Variants in FAT4 observed in about 807,000 individuals in gnomAD.
FAT4 encodes FAT atypical cadherin 4.
FAT4 carries 84 observed loss-of-function variants against 303.9 expected under a neutral mutation model. The observed-to-expected ratio is 0.28, with a 90% CI of 0.23 to 0.33. The LOEUF is 0.33. FAT4 is among the 10% of genes least tolerant of loss of function. FAT4 has a pLI of 1.00. For synonymous variants in FAT4, 2,307 were observed against 2,298.8 expected, an observed-to-expected ratio of 1.00 and a Z score of -0.10; for missense variants, 6,005 against 6,146.8, an observed-to-expected ratio of 0.98 and a Z score of 0.77.
intron 8 of FAT4, among the ~76,000 whole-genome samples, chr4:125,435,054 T>C (rs568286665): frequency 2.6e-5 from 4 of 152,246 alleles, no homozygotes; most frequent in Non-Finnish European, 4.4e-5. Flanking sequence ...CACTCGTTGA[T>C]TGGAGAAATG....
At chr4:125,405,871 G>T (rs1734582270) in intron 3 of FAT4, among the ~76,000 whole-genome samples, 1 of 151,724 alleles carries the variant, frequency 6.6e-6, no homozygotes, top group Non-Finnish European at 1.5e-5. Flanking sequence ...TTTTTTATTG[G>T]ATTACCAAAC....
At chr4:125,461,167 C>T (rs980857312) in intron 10 of FAT4, among the ~76,000 whole-genome samples, 2 of 151,860 alleles carry the variant, frequency 1.3e-5, no homozygotes, top group Admixed American at 6.6e-5. Flanking sequence ...CTGCAATAGC[C>T]TGTATTTTAT....
rs769816807 is a variant in FAT4 at position 125,451,425 on chromosome 4, G to T, written c.10415G>T (p.Arg3472Leu). 1 of 1,614,088 alleles carries T rather than the reference G, an allele frequency of 6.2e-7. No individual in the cohort carries two copies. The highest frequency in any genetic ancestry group is 8.5e-7 in the Non-Finnish European group (1 of 1,180,020). ...GQITVTAELD[R>L]ETLPIYNLSV... ...ATCACCGTTACTGCAGAATTAGATC[G>T]AGAAACCCTTCCCATCTATAATCTC... The change falls in exon 10 of 18, where the codon CGA (arginine) becomes CTA (leucine). Residue 3472 changes from arginine to leucine, a missense_variant. By Grantham distance (102) the Arg-to-Leu change is moderately radical. Transcript: ENST00000394329.
At chr4:125,345,561 A>G (rs1731967042) in intron 2 of FAT4, among the ~76,000 whole-genome samples, 1 of 152,008 alleles carries the variant, frequency 6.6e-6, no homozygotes, top group South Asian at 2.1e-4. Context: ...GTTAATATTA[A>G]TGATTACTTT....
chr4:125,449,338 T>A lies in FAT4; in HGVS notation c.8328T>A (p.Ser2776=). Residue 2776 remains serine (S), a synonymous_variant, in exon 10 of 18, where the codon TCT becomes TCA. Transcript: ENST00000394329. Reference sequence around the variant, plus strand: ...AAAATGATAATGCCCCTAGGTTTTCTCAGATATTTAGTGCCCATGTTCCTG... The same window carrying A: ...AAAATGATAATGCCCCTAGGTTTTCACAGATATTTAGTGCCCATGTTCCTG... ...LDENDNAPRF[S]QIFSAHVPEN... 1 of 1,613,932 alleles carries A rather than the reference T, an allele frequency of 6.2e-7. No individual in the cohort carries two copies. The highest frequency in any genetic ancestry group is 8.5e-7 in the Non-Finnish European group (1 of 1,179,896).
Position 125,449,658 on chromosome 4 carries a change from G to T in FAT4, c.8648G>T (p.Cys2883Phe), listed in dbSNP as rs1725972656. The change falls in exon 10 of 18, where the codon TGC becomes TTC. Residue 2883 changes from cysteine to phenylalanine, a missense_variant. Cys to Phe is a radical substitution (Grantham distance 205). Transcript: ENST00000394329. ...AGCAGAACTTCCTATTATTTAGATT[G>T]CCCTGAACTTACTGAGATTGGCTCC... Reference protein sequence around the residue: ...RFSRTSYYLDCPELTEIGSKV... With the variant: ...RFSRTSYYLDFPELTEIGSKV... 1.2e-6 allele frequency: 2 copies of T among 1,613,812 alleles called. No homozygotes were observed. The highest frequency in any genetic ancestry group is 1.7e-5 in the Admixed American group (1 of 59,990).
At position 125,415,621 on chromosome 4, in the gene FAT4, G is replaced by T; in HGVS notation, c.6658G>T (p.Glu2220Ter). The change falls in exon 6 of 18, where the codon GAA becomes TAA. Residue 2220 changes from glutamate to a stop codon, truncating the protein, a stop_gained. Coordinates refer to ENST00000394329, the MANE Select transcript of FAT4 (RefSeq NM_001291303.3). LOFTEE classifies it high-confidence loss of function. ...CACTGTCGCTAAACCTTTGGATAGA[G>T]AAAAGACCCCTACCTACCATTTAAC... ...AITVAKPLDR[E>*]KTPTYHLTVQ... 1.2e-6 allele frequency: 2 copies of T among 1,614,002 alleles called. No individual in the cohort carries two copies. The highest frequency in any genetic ancestry group is 1.7e-6 in the Non-Finnish European group (2 of 1,179,962).
chr4:125,405,715 G>A (rs1452194164), intron 3 of FAT4, among the ~76,000 whole-genome samples: 2 of 150,398 alleles, frequency 1.3e-5, no homozygotes, highest in Non-Finnish European at 3.0e-5. Flanking sequence ...TGTTGGCCAG[G>A]ATGGTCTCGA....
In FAT4 at chr4:125,317,240, G is replaced by C. The variant is rs183191959; in HGVS notation, c.829G>C (p.Ala277Pro). 1.3e-6 allele frequency: 2 copies of C among 1,578,032 alleles called. No homozygotes were observed. Among genetic ancestry groups the C allele is most frequent in the Non-Finnish European group, 1.7e-6 (2 of 1,159,654 alleles). The part of the protein sequence containing the change: ...SSVLQVAAAD[A>P]DEGTNADIRY... ...CGTCCTCCAGGTGGCGGCGGCGGACGCGGACGAGGGCACCAACGCGGACAT... is the reference window on the plus strand; with the variant it reads ...CGTCCTCCAGGTGGCGGCGGCGGACCCGGACGAGGGCACCAACGCGGACAT... The change falls in exon 2 of 18, where the codon GCG (alanine) becomes CCG (proline). Residue 277 changes from alanine (A) to proline (P), a missense_variant. Ala to Pro is a conservative substitution (Grantham distance 27, BLOSUM62 -1). Coordinates refer to ENST00000394329, the MANE Select transcript of FAT4 (RefSeq NM_001291303.3). The surrounding 1 kb of genome is among the most constrained non-coding windows in gnomAD (Gnocchi z 7.0).
At chr4:125,361,891 T>C (rs939505764) in intron 2 of FAT4, among the ~76,000 whole-genome samples, 2 of 152,132 alleles carry the variant, frequency 1.3e-5, no homozygotes, top group Non-Finnish European at 1.5e-5. Flanking sequence ...GCACGGAGAT[T>C]CCCATGAGCA....
At chr4:125,333,932 C>T (rs962762327) in intron 2 of FAT4, among the ~76,000 whole-genome samples, 2 of 151,992 alleles carry the variant, frequency 1.3e-5, no homozygotes, top group African/African-American at 4.8e-5. Context: ...GAATCAATAC[C>T]AAGTAAAGGT....
At chr4:125,431,278 T>C (rs1445259801) in intron 7 of FAT4, among the ~76,000 whole-genome samples, 1 of 152,208 alleles carries the variant, frequency 6.6e-6, no homozygotes. Context: ...TCTTGAAATC[T>C]CACTGTAAGT....
At chr4:125,455,371 A>G (rs748450331) in intron 10 of FAT4, among the ~76,000 whole-genome samples, 1 of 152,202 alleles carries the variant, frequency 6.6e-6, no homozygotes, top group African/African-American at 2.4e-5. Context: ...TATACATTGC[A>G]TACTTTTCTA....
chr4:125,339,024 G>T (rs1448719175), intron 2 of FAT4, among the ~76,000 whole-genome samples: 2 of 152,028 alleles, frequency 1.3e-5, no homozygotes, highest in African/African-American at 4.8e-5. Flanking sequence ...TTGAATACAG[G>T]TCCATTCTGT....
At chr4:125,402,423 G>C (rs1442599413) in intron 3 of FAT4, among the ~76,000 whole-genome samples, 2 of 151,898 alleles carry the variant, frequency 1.3e-5, no homozygotes, top group Non-Finnish European at 1.5e-5. Context: ...ATTCTCACAT[G>C]CTTATTGAAA....
At position 125,491,742 on chromosome 4, in the gene FAT4, G is replaced by A. The variant is rs1727656796; in HGVS notation, c.14926G>A (p.Asp4976Asn). The change falls in exon 18 of 18, where the codon GAT becomes AAT. Residue 4976 changes from aspartate (D) to asparagine (N), a missense_variant. Transcript: ENST00000394329. ...TGGGACAACTAAACCAGTCCCCAAA[G>A]ATGGGGAAGCAGAACAGTATGTGTG... ...KAGTTKPVPK[D>N]GEAEQYV 1 of 1,613,356 alleles carries A rather than the reference G, an allele frequency of 6.2e-7. No individual in the cohort carries two copies. The highest frequency in any genetic ancestry group is 2.2e-5 in the East Asian group (1 of 44,860).
intron 3 of FAT4, among the ~76,000 whole-genome samples, chr4:125,406,261 C>G (rs1186280637): frequency 6.6e-6 from 1 of 152,120 alleles, no homozygotes; most frequent in Non-Finnish European, 1.5e-5. Flanking sequence ...ACTATCCTTT[C>G]CCCATTATAT....
intron 2 of FAT4, among the ~76,000 whole-genome samples, chr4:125,356,211 G>A (rs1374710010): frequency 6.6e-6 from 1 of 151,928 alleles, no homozygotes; most frequent in Non-Finnish European, 1.5e-5. Context: ...CTTGAGAAGA[G>A]CAAAGTTGCC....
chr4:125,320,792 C>G lies in FAT4; in HGVS notation c.4381C>G (p.Gln1461Glu), dbSNP rs746446922. The G allele has an allele frequency of 1.2e-6, 2 of 1,614,080 alleles. No individual in the cohort carries two copies. Among genetic ancestry groups the G allele is most frequent in the Admixed American group, 3.3e-5 (2 of 60,018 alleles). The stretch of plus-strand genomic sequence containing the variant: ...TGGTCAACTATCCTACACAATCATT[C>G]AACAGATGCCAAGAGGCAACCACTT... ...INGQLSYTII[Q>E]QMPRGNHFTI... is the part of the protein sequence containing the mutation. The change falls in exon 2 of 18, where the codon CAA becomes GAA. Residue 1461 changes from glutamine (Q) to glutamate (E), a missense_variant. By Grantham distance (29) the Gln-to-Glu change is conservative. Coordinates refer to ENST00000394329, the MANE Select transcript of FAT4 (RefSeq NM_001291303.3).
Sources: gnomAD v4.1 joint callset for allele counts (sites outside exome capture counted in the v4.1 genomes callset) on GRCh38, gnomAD v4.1.1 for gene constraint, Gnocchi (gnomAD v3.1) non-coding constraint, MANE v1.5 for transcripts, NCBI Gene and HGNC (gene_info 2026-07-23, HGNC 2026-07-21) for gene names.